Variants in DDAH1 observed in about 807,000 individuals in gnomAD.
DDAH1 encodes the protein N(G),N(G)-dimethylarginine dimethylaminohydrolase 1.
DDAH1 carries 19 observed loss-of-function variants against 28.8 expected under a neutral mutation model. The observed-to-expected ratio is 0.66, with a 90% CI of 0.46 to 0.97. DDAH1 has a LOEUF of 0.97. Ranked by LOEUF, DDAH1 falls within the 50% of genes least tolerant of loss-of-function variation. The pLI is 0.00. For missense variants in DDAH1, 326 were observed against 375.9 expected (o/e 0.87, Z 1.10); for synonymous variants, 153 against 154.4 (o/e 0.99, Z 0.07).
At chr1:85,438,512 G>A (rs1380871337) in intron 1 of DDAH1, among the ~76,000 whole-genome samples, 1 of 152,152 alleles carries the variant, frequency 6.6e-6, no homozygotes, top group Non-Finnish European at 1.5e-5. Flanking sequence ...GACAGGAAAT[G>A]ACTGCAGACT....
chr1:85,516,877 T>TA (rs1175138136), intron 1 of DDAH1, among the ~76,000 whole-genome samples: 7 of 152,168 alleles, frequency 4.6e-5, no homozygotes, highest in Admixed American at 3.9e-4. Flanking sequence ...TTTTTCTGGT[T>TA]AAAAAATGTT....
intron 1 of DDAH1, among the ~76,000 whole-genome samples, chr1:85,425,331 T>G (rs1490738897): frequency 6.6e-6 from 1 of 152,142 alleles, no homozygotes; most frequent in Non-Finnish European, 1.5e-5. Context: ...TATTTTTTTT[T>G]ATTGATCCGA....
intron 1 of DDAH1, among the ~76,000 whole-genome samples, chr1:85,524,012 A>T (rs1657777686): frequency 6.6e-6 from 1 of 151,766 alleles, no homozygotes; most frequent in Non-Finnish European, 1.5e-5. Context: ...AGGCATGAGG[A>T]TGCAAAGATA....
intron 1 of DDAH1, among the ~76,000 whole-genome samples, chr1:85,406,389 A>G (rs1279711964): frequency 6.6e-6 from 1 of 152,136 alleles, no homozygotes; most frequent in Non-Finnish European, 1.5e-5. Context: ...TTAAATTTGT[A>G]GTCCAAATTA....
chr1:85,424,056 G>C (rs1254753260), intron 1 of DDAH1, among the ~76,000 whole-genome samples: 3 of 151,962 alleles, frequency 2.0e-5, no homozygotes, highest in Non-Finnish European at 2.9e-5. Context: ...TGCATACCTG[G>C]CATAAATGTC....
At chr1:85,368,088 G>A (rs1297230210) in intron 1 of DDAH1, among the ~76,000 whole-genome samples, 3 of 152,150 alleles carry the variant, frequency 2.0e-5, no homozygotes, top group African/African-American at 7.2e-5. Context: ...TTATAGGAAT[G>A]CACCATGCTA....
rs76940371 is a variant in DDAH1 at position 85,554,940 on chromosome 1, C to T, written c.-123+23044G>A. Among the ~76,000 whole-genome samples, 67 of 152,304 alleles carry T rather than the reference C, an allele frequency of 4.4e-4. No individual in the cohort carries two copies. The East Asian group carries it at 0.01, about 24-fold the overall frequency. ...GCAAATGCATACTAATTAACATGTA[C>T]ATTGTTATTTAAATATTTAAGAGGG... On this transcript the variant is annotated intron_variant, in intron 1 of 6. Coordinates refer to the DDAH1 transcript ENST00000426972.
intron 1 of DDAH1, among the ~76,000 whole-genome samples, chr1:85,565,699 A>C (rs1210325055): frequency 1.3e-5 from 2 of 152,262 alleles, no homozygotes. Flanking sequence ...TAATACCTAA[A>C]CAAAGGAATA....
intron 4 of DDAH1, among the ~76,000 whole-genome samples, chr1:85,333,738 A>C (rs1432377765): frequency 6.7e-6 from 1 of 148,668 alleles, no homozygotes; most frequent in Non-Finnish European, 1.5e-5. Flanking sequence ...GAATTTCAGA[A>C]CTTTAAAAAG....
At chr1:85,484,962 C>T (rs1656152820) in intron 2 of DDAH1, among the ~76,000 whole-genome samples, 1 of 152,192 alleles carries the variant, frequency 6.6e-6, no homozygotes, top group Admixed American at 6.5e-5. Context: ...ACTGCTTTCA[C>T]ATAATACTAA....
At chr1:85,359,129 C>T (rs895032691) in intron 1 of DDAH1, among the ~76,000 whole-genome samples, 1 of 152,200 alleles carries the variant, frequency 6.6e-6, no homozygotes, top group Admixed American at 6.5e-5. Flanking sequence ...AGTTACAATA[C>T]TGTTGGAGGC....
At chr1:85,546,819 AAAG>A (rs1658641935) in intron 1 of DDAH1, among the ~76,000 whole-genome samples, 1 of 152,212 alleles carries the variant, frequency 6.6e-6, no homozygotes, top group Non-Finnish European at 1.5e-5. Context: ...AGGATTAAAA[AAAG>A]AAGAAATAAA....
At chr1:85,419,691 C>T (rs1480531189) in intron 1 of DDAH1, among the ~76,000 whole-genome samples, 5 of 152,160 alleles carry the variant, frequency 3.3e-5, no homozygotes, top group East Asian at 3.9e-4. Flanking sequence ...TGCCTTCTTA[C>T]GTTAGTATGA....
In DDAH1 at chr1:85,321,094, T is replaced by C. The variant is rs1661316804; in HGVS notation, c.*358A>G. On this transcript the variant is annotated 3_prime_UTR_variant, in exon 6 of 6. Coordinates refer to ENST00000284031, the MANE Select transcript of DDAH1 (RefSeq NM_012137.4). ...AAAAAAAAAAAAAAAAGCAAGCTTA[T>C]CTGACTGATCAAGAAGACATTCTTC... 1 of 149,744 alleles carries C rather than the reference T, an allele frequency of 6.7e-6. No individual in the cohort carries two copies. Among genetic ancestry groups the C allele is most frequent in the African/African-American group, 2.6e-5 (1 of 38,500 alleles). 9.3% of individuals were successfully genotyped at this position (149,744 alleles called of 1,614,324 possible).
chr1:85,388,617 T>C (rs988787054), intron 1 of DDAH1, among the ~76,000 whole-genome samples: 6 of 152,192 alleles, frequency 3.9e-5, no homozygotes, highest in Non-Finnish European at 5.9e-5. Flanking sequence ...TAAAATGACA[T>C]GTTACATGAA....
At chr1:85,559,032 T>C (rs1257883909) in intron 1 of DDAH1, among the ~76,000 whole-genome samples, 1 of 152,200 alleles carries the variant, frequency 6.6e-6, no homozygotes, top group Non-Finnish European at 1.5e-5. Flanking sequence ...AAGTATAAAC[T>C]GGAAAGCAGT....
chr1:85,469,614 AAAC>A (rs1655548035), upstream of DDAH1, among the ~76,000 whole-genome samples: 1 of 152,232 alleles, frequency 6.6e-6, no homozygotes, highest in Non-Finnish European at 1.5e-5. Flanking sequence ...CCGAATGCCA[AAAC>A]ACACGTACAC....
At position 85,350,419 on chromosome 1, in the gene DDAH1, A is replaced by T; in HGVS notation, c.593T>A (p.Leu198His). The change falls in exon 4 of 6, where the codon CTT becomes CAT. Residue 198 changes from leucine (L) to histidine (H), a missense_variant. Leu to His is a moderately conservative substitution (Grantham distance 99). Coordinates refer to ENST00000284031, the MANE Select transcript of DDAH1 (RefSeq NM_012137.4). ...GGAGCACAGTTTTGTATTTACCTTA[A>T]GGGCCTTCTGTGCAGATTCACTAGA... ...IGSSESAQKA[L>H]KIMQQMSDHR... The T allele has an allele frequency of 6.2e-7, 1 of 1,613,112 alleles. No homozygotes were observed. Among genetic ancestry groups the T allele is most frequent in the Non-Finnish European group, 8.5e-7 (1 of 1,179,714 alleles).
At chr1:85,426,964 T>A (rs1433308992) in intron 1 of DDAH1, among the ~76,000 whole-genome samples, 4 of 151,230 alleles carry the variant, frequency 2.6e-5, no homozygotes, top group Non-Finnish European at 5.9e-5. Context: ...AAATTACATT[T>A]TCCTTGACTA....
Sources: gnomAD v4.1 joint callset for allele counts (sites outside exome capture counted in the v4.1 genomes callset) on GRCh38, gnomAD v4.1.1 for gene constraint, MANE v1.5 for transcripts, NCBI Gene and HGNC (gene_info 2026-07-23, HGNC 2026-07-21) for gene names.